KIF18A: variants seen among roughly 807,000 people sequenced by gnomAD.
KIF18A encodes the protein kinesin-like protein KIF18A.
In KIF18A, 67 loss-of-function variants were observed where a neutral mutation model predicts 103.3. The observed-to-expected ratio is 0.65, with a 90% CI of 0.53 to 0.79. KIF18A has a LOEUF of 0.79. Ranked by LOEUF, KIF18A falls within the 30% of genes least tolerant of loss-of-function variation. The probability of loss-of-function intolerance (pLI) is 0.00; values close to 1 mark genes in which losing one functional copy is unlikely to be tolerated. For synonymous variants in KIF18A, 367 were observed against 355.5 expected (o/e 1.03, Z -0.36); for missense variants, 1,032 against 1,062.5 (o/e 0.97, Z 0.40).
At chr11:28,101,984 T>C (rs370454308) in intron 1 of KIF18A, among the ~76,000 whole-genome samples, 185 of 152,264 alleles carry the variant, frequency 1.2e-3, no homozygotes, top group African/African-American at 4.2e-3. Context: ...GCTTTTCAAT[T>C]GACTCTGGCA....
chr11:28,083,043 A>T, intron 8 of KIF18A, 75 bp from the exon 9 acceptor site: 1 of 1,455,936 alleles, frequency 6.9e-7, no homozygotes, highest in Non-Finnish European at 9.2e-7. Context: ...AGCTGTAAAA[A>T]ATAACTGAAT....
chr11:28,085,868 T>G (rs1244209752), intron 6 of KIF18A, among the ~76,000 whole-genome samples: 1 of 152,144 alleles, frequency 6.6e-6, no homozygotes, highest in Non-Finnish European at 1.5e-5. Flanking sequence ...CTATAAGAAC[T>G]TAAGCGCTAC....
intron 11 of KIF18A, 81 bp from the exon 12 acceptor site, chr11:28,062,597 G>C (rs971688761): frequency 9.3e-7 from 1 of 1,071,172 alleles, no homozygotes; most frequent in Non-Finnish European, 1.3e-6. Context: ...TTATATTGTT[G>C]CCAATAGTTT....
At chr11:28,053,204 T>C (rs1850733643) in intron 13 of KIF18A, among the ~76,000 whole-genome samples, 1 of 152,190 alleles carries the variant, frequency 6.6e-6, no homozygotes, top group Non-Finnish European at 1.5e-5. Context: ...TTGCACACAT[T>C]AGATATTTGA....
chr11:28,049,564 T>C (rs1351210668), intron 13 of KIF18A, among the ~76,000 whole-genome samples: 3 of 151,976 alleles, frequency 2.0e-5, no homozygotes, highest in African/African-American at 4.8e-5. Context: ...CAGGGAGACA[T>C]TGATGAATGG....
intron 11 of KIF18A, among the ~76,000 whole-genome samples, chr11:28,064,747 C>A (rs1490598282): frequency 3.3e-5 from 5 of 151,960 alleles, no homozygotes; most frequent in Non-Finnish European, 7.4e-5. Context: ...TTTGGAAAAT[C>A]AAGTTTACAA....
chr11:28,050,279 T>C (rs1262875406), intron 13 of KIF18A, among the ~76,000 whole-genome samples: 1 of 151,874 alleles, frequency 6.6e-6, no homozygotes, highest in African/African-American at 2.4e-5. Flanking sequence ...TACTGTCTTA[T>C]GTACATGGGG....
At chr11:28,070,020 A>G (rs1034405047) in intron 10 of KIF18A, among the ~76,000 whole-genome samples, 1 of 152,180 alleles carries the variant, frequency 6.6e-6, no homozygotes, top group Non-Finnish European at 1.5e-5. Flanking sequence ...AATTAAAATT[A>G]GTCTTTGATT....
intron 1 of KIF18A, among the ~76,000 whole-genome samples, chr11:28,099,686 A>C (rs956037536): frequency 1.3e-5 from 2 of 152,156 alleles, no homozygotes; most frequent in African/African-American, 4.8e-5. Flanking sequence ...TTAGTCATAC[A>C]GGTATTGTAG....
rs1177073275 is a variant in KIF18A, at chr11:28,036,423, TG to T, written c.2189del (p.Thr730LysfsTer10). The T allele has an allele frequency of 6.8e-6, 11 of 1,610,972 alleles. No homozygotes were observed. The highest frequency in any genetic ancestry group is 9.3e-6 in the Non-Finnish European group (11 of 1,178,126). On this transcript the variant is annotated frameshift_variant, in exon 14 of 17. Coordinates refer to ENST00000263181, the MANE Select transcript of KIF18A (RefSeq NM_031217.4). LOFTEE classifies it high-confidence loss of function. ...VTLMKPSSFT[T>X]SFQAISSNIN... ...TGTTTGAGCTGATAGCCTGAAAACT[TG>T]TAGTAAATGATGATGGTTTCATTAA...
chr11:28,025,056 T>A (rs970064870), intron 15 of KIF18A, among the ~76,000 whole-genome samples: 1 of 152,088 alleles, frequency 6.6e-6, no homozygotes, highest in Non-Finnish European at 1.5e-5. Flanking sequence ...TAAGGTTATG[T>A]GAATGTGGTC....
chr11:28,053,020 A>T (rs899508367), intron 13 of KIF18A, among the ~76,000 whole-genome samples: 1 of 152,218 alleles, frequency 6.6e-6, no homozygotes, highest in Non-Finnish European at 1.5e-5. Context: ...AAGCATTGCC[A>T]TTACTTTCAA....
chr11:28,083,306 G>A, intron 7 of KIF18A, 63 bp from the exon 8 acceptor site: 1 of 1,459,672 alleles, frequency 6.9e-7, no homozygotes, highest in South Asian at 1.4e-5. Context: ...ATAAATACAT[G>A]AATAACATGA....
intron 13 of KIF18A, chr11:28,057,000 T>C: frequency 3.4e-6 from 1 of 295,502 alleles, no homozygotes; most frequent in South Asian, 2.8e-5. Context: ...AAGTTAAAAG[T>C]CCAATAAATT....
intron 11 of KIF18A, 46 bp downstream of exon 11, chr11:28,069,213 G>A: frequency 6.9e-7 from 1 of 1,443,782 alleles, no homozygotes; most frequent in Non-Finnish European, 9.7e-7. Flanking sequence ...CATTTTAGGA[G>A]CTCAGTTCCT....
intron 2 of KIF18A, among the ~76,000 whole-genome samples, chr11:28,095,274 A>G (rs1034673222): frequency 2.6e-5 from 4 of 152,142 alleles, no homozygotes; most frequent in Non-Finnish European, 5.9e-5. Context: ...GGGATACTTA[A>G]TTATTCAATA....
At chr11:28,059,872 TA>T (rs777627912) in intron 12 of KIF18A, among the ~76,000 whole-genome samples, 2 of 152,002 alleles carry the variant, frequency 1.3e-5, no homozygotes, top group Non-Finnish European at 2.9e-5. Context: ...ATATTTTAGG[TA>T]TACAACATTA....
intron 15 of KIF18A, among the ~76,000 whole-genome samples, chr11:28,024,574 C>T (rs1850289272): frequency 6.6e-6 from 1 of 151,982 alleles, no homozygotes; most frequent in Admixed American, 6.6e-5. Flanking sequence ...AAGATAAATA[C>T]ATGAAATAAT....
At chr11:28,093,633 A>C (rs1851331001) in intron 3 of KIF18A, among the ~76,000 whole-genome samples, 1 of 152,124 alleles carries the variant, frequency 6.6e-6, no homozygotes, top group Non-Finnish European at 1.5e-5. Flanking sequence ...ATCTTACACA[A>C]TTTGAACATA....
Sources: allele counts gnomAD v4.1 joint callset (sites outside exome capture counted in the v4.1 genomes callset), GRCh38; gene constraint gnomAD v4.1.1; transcripts MANE v1.5; gene names NCBI Gene and HGNC (gene_info 2026-07-23, HGNC 2026-07-21).